The following BARD1 variants were observed in gnomAD, a reference collection of about 807,000 sequenced individuals.
BARD1 encodes the protein BRCA1-associated RING domain protein 1.
In BARD1, 73 loss-of-function variants were observed where a neutral mutation model predicts 77.0. The ratio of observed to expected loss-of-function variants is 0.95; its 90% CI spans 0.79 to 1.15. The LOEUF (loss-of-function observed/expected upper bound fraction) is 1.15, where lower values mean the gene tolerates loss of function less well. BARD1 is among the 50% of genes most tolerant of loss of function. The pLI is 0.00. For synonymous variants in BARD1, 384 were observed against 338.0 expected (o/e 1.14, Z -1.49); for missense variants, 993 against 938.8 (o/e 1.06, Z -0.75).
intron 4 of BARD1, 57 bp downstream of exon 4, chr2:214,780,503 G>T: frequency 3.4e-6 from 5 of 1,485,760 alleles, no homozygotes; most frequent in Non-Finnish European, 4.7e-6. Context: ...AAACTGCAAA[G>T]AAATTGCTTT....
Position 214,797,059 on chromosome 2 carries a change from A to G in BARD1, c.215+2T>C, listed in dbSNP as rs1559441760. 1.2e-6 allele frequency: 2 copies of G among 1,608,108 alleles called. No individual in the cohort carries two copies. Among genetic ancestry groups the G allele is most frequent in the Non-Finnish European group, 1.7e-6 (2 of 1,174,636 alleles). On this transcript the variant is annotated splice_donor_variant, in intron 2 of 10. Transcript: ENST00000260947. LOFTEE classifies it high-confidence loss of function. ...TATATACATCAAACCGTAATTACTT[A>G]CCTACAGAAGATGTGCTCACATCCT... is the stretch of plus-strand genomic sequence containing the variant.
intron 4 of BARD1, among the ~76,000 whole-genome samples, chr2:214,778,188 TCTGTCC>T (rs1206260151): frequency 6.6e-6 from 1 of 151,030 alleles, no homozygotes; most frequent in Non-Finnish European, 1.5e-5. Context: ...AGGGCAAGAC[TCTGTCC>T]CCCGCCCCTC....
intron 7 of BARD1, among the ~76,000 whole-genome samples, chr2:214,751,848 G>A (rs907796093): frequency 2.0e-5 from 3 of 152,032 alleles, no homozygotes; most frequent in African/African-American, 7.3e-5. Context: ...CGAAAGTCCC[G>A]TTTTGATGCT....
Position 214,727,370 on chromosome 2 carries a change from CCT to C in BARD1, c.*1304_*1305del. ...TCTATTCTGGTAGTTATCAAACTGT[CCT>C]CTTTTGTTCATGAGGAACCAAACTG... On this transcript the variant is annotated 3_prime_UTR_variant, in exon 11 of 11. Transcript: ENST00000260947. 4.3e-6 allele frequency: 1 copy of C among 232,122 alleles called. No individual in the cohort carries two copies. The highest frequency in any genetic ancestry group is 6.1e-5 in the East Asian group (1 of 16,398). 14.4% of individuals were successfully genotyped at this position (232,122 alleles called of 1,614,324 possible).
At chr2:214,793,610 C>A (rs4673902) in intron 2 of BARD1, among the ~76,000 whole-genome samples, 7,937 of 152,170 alleles carry the variant, frequency 0.052, 232 homozygotes, top group Admixed American at 0.083. Flanking sequence ...CAAGAACTAC[C>A]ACCTCATTTT....
chr2:214,776,712 C>G (rs1206529090), intron 4 of BARD1, among the ~76,000 whole-genome samples: 6 of 152,146 alleles, frequency 3.9e-5, no homozygotes, highest in African/African-American at 7.2e-5. Context: ...CGAATAATCC[C>G]CAGAACCTGT....
intron 1 of BARD1, among the ~76,000 whole-genome samples, chr2:214,803,553 T>C (rs1376611207): frequency 6.6e-6 from 1 of 152,246 alleles, no homozygotes; most frequent in African/African-American, 2.4e-5. Flanking sequence ...AGCACAGTAC[T>C]TAATCCTTTA....
intron 3 of BARD1, among the ~76,000 whole-genome samples, chr2:214,791,028 T>G (rs1328506137): frequency 1.3e-5 from 2 of 152,190 alleles, no homozygotes; most frequent in African/African-American, 4.8e-5. Flanking sequence ...GATGAACTAA[T>G]GACAGAATTT....
intron 7 of BARD1, among the ~76,000 whole-genome samples, chr2:214,748,401 TTA>T (rs1245239862): frequency 6.6e-6 from 1 of 152,104 alleles, no homozygotes; most frequent in Non-Finnish European, 1.5e-5. Context: ...TACCCTGATT[TTA>T]TAGAGATTAG....
chr2:214,774,672 C>A (rs1247519461), intron 4 of BARD1, among the ~76,000 whole-genome samples: 1 of 152,172 alleles, frequency 6.6e-6, no homozygotes, highest in Middle Eastern at 3.2e-3. Context: ...AACAAGAAAG[C>A]CTGTCCTTTG....
intron 4 of BARD1, among the ~76,000 whole-genome samples, chr2:214,769,613 A>T (rs189847928): frequency 1.1e-4 from 16 of 152,192 alleles, no homozygotes; most frequent in African/African-American, 3.9e-4. Context: ...TGGTGGTGCC[A>T]GCCTGTAATC....
At chr2:214,767,073 G>A (rs1315567695) in intron 6 of BARD1, among the ~76,000 whole-genome samples, 1 of 152,120 alleles carries the variant, frequency 6.6e-6, no homozygotes, top group African/African-American at 2.4e-5. Context: ...AGAACATGCG[G>A]TATTTGGTTT....
chr2:214,752,316 TACTC>T, intron 7 of BARD1, 127 bp downstream of exon 7: 1 of 724,844 alleles, frequency 1.4e-6, no homozygotes, highest in Non-Finnish European at 2.4e-6. Context: ...CAGTAGCTAA[TACTC>T]AGGAAGTGCT....
chr2:214,729,329 C>T (rs140586144), intron 10 of BARD1, among the ~76,000 whole-genome samples: 1 of 152,286 alleles, frequency 6.6e-6, no homozygotes, highest in African/African-American at 2.4e-5. Context: ...CTGACCGTGA[C>T]CTGTCACATG....
At chr2:214,748,239 G>A (rs537136662) in intron 7 of BARD1, among the ~76,000 whole-genome samples, 3 of 152,138 alleles carry the variant, frequency 2.0e-5, no homozygotes, top group Non-Finnish European at 4.4e-5. Context: ...CAGTTAAAGA[G>A]TGCTATAATA....
At chr2:214,765,000 G>A (rs1264684221) in intron 6 of BARD1, among the ~76,000 whole-genome samples, 6 of 152,146 alleles carry the variant, frequency 3.9e-5, no homozygotes, top group Non-Finnish European at 7.4e-5. Context: ...CCTCTTGGGT[G>A]AAATAAACCC....
intron 3 of BARD1, among the ~76,000 whole-genome samples, chr2:214,791,720 T>C (rs1002733889): frequency 6.6e-6 from 1 of 152,318 alleles, no homozygotes; most frequent in East Asian, 1.9e-4. Context: ...AAGTGATCCA[T>C]GGAAAAATGT....
chr2:214,756,941 G>C (rs1693722889), intron 6 of BARD1, among the ~76,000 whole-genome samples: 2 of 152,004 alleles, frequency 1.3e-5, no homozygotes, highest in Admixed American at 6.6e-5. Context: ...ACTTACTTGT[G>C]TAACCAAATA....
chr2:214,744,985 T>A (rs1041090024), intron 9 of BARD1, 82 bp downstream of exon 9: 1 of 1,205,964 alleles, frequency 8.3e-7, no homozygotes, highest in African/African-American at 1.5e-5. Flanking sequence ...TAACATCAAG[T>A]TCCTTAATCA....
Sources: allele counts gnomAD v4.1 joint callset (sites outside exome capture counted in the v4.1 genomes callset), GRCh38; gene constraint gnomAD v4.1.1; transcripts MANE v1.5; gene names NCBI Gene and HGNC (gene_info 2026-07-23, HGNC 2026-07-21).